Variants in ZFHX3 observed in about 807,000 individuals in gnomAD.
ZFHX3 encodes zinc finger homeobox 3, also known as zinc finger homeobox protein 3.
A neutral mutation model predicts 279.1 loss-of-function variants in ZFHX3; 42 were observed. The observed-to-expected ratio is 0.15, with a 90% confidence interval of 0.12 to 0.19. ZFHX3 has a LOEUF of 0.19. Among genes scored for constraint, ZFHX3 ranks in the 10% least tolerant of loss-of-function variants. The pLI is 1.00. For missense variants in ZFHX3, 4,981 were observed against 4,754.0 expected, an observed-to-expected ratio of 1.05 and a Z score of -1.40; for synonymous variants, 2,293 against 1,957.8, an observed-to-expected ratio of 1.17 and a Z score of -4.52.
Position 72,957,547 on chromosome 16 carries a change from C to A in ZFHX3, c.2599G>T (p.Ala867Ser), listed in dbSNP as rs772007732. The A allele has an allele frequency of 2.5e-5, 40 of 1,614,180 alleles. No individual in the cohort carries two copies. The South Asian group carries it at 4.3e-4, about 17-fold the overall frequency. ...AGGTTGGGCAGGTTCATGTTCTGGG[C>A]CAGGTAGTATTGGTAGAGCTCGGCC... is the stretch of plus-strand genomic sequence containing the variant. ...AEAELYQYYL[A>S]QNMNLPNLKM... The change falls in exon 2 of 10, where the codon GCC (alanine) becomes TCC (serine). Residue 867 changes from alanine (A) to serine (S), a missense_variant. Physicochemically the swap from Ala to Ser is moderately conservative, Grantham distance 99. Coordinates refer to ENST00000268489, the MANE Select transcript of ZFHX3 (RefSeq NM_006885.4).
chr16:72,899,617 T>G (rs1374259890), intron 3 of ZFHX3, among the ~76,000 whole-genome samples: 3 of 152,154 alleles, frequency 2.0e-5, no homozygotes, highest in Non-Finnish European at 4.4e-5. Flanking sequence ...ATAATGATGG[T>G]TTGTGGGGCA....
At chr16:73,013,393 T>C (rs1318528863) in intron 1 of ZFHX3, among the ~76,000 whole-genome samples, 1 of 152,098 alleles carries the variant, frequency 6.6e-6, no homozygotes, top group Admixed American at 6.6e-5. Flanking sequence ...GCTCAAGCGA[T>C]CCTCCCACCT....
chr16:73,636,981 G>T (rs1246111042), intron 2 of ZFHX3, among the ~76,000 whole-genome samples: 1 of 151,888 alleles, frequency 6.6e-6, no homozygotes, highest in East Asian at 1.9e-4. Context: ...GATATAATAA[G>T]GAAGGATTAT....
chr16:73,499,170 T>A (rs372720322), intron 2 of ZFHX3: 1 of 152,124 alleles, frequency 6.6e-6, no homozygotes, highest in Non-Finnish European at 1.5e-5. Flanking sequence ...CTGACAGGCA[T>A]CCTCTCAGTC....
At chr16:73,301,444 T>C (rs1293622552) in intron 4 of ZFHX3, among the ~76,000 whole-genome samples, 1 of 152,196 alleles carries the variant, frequency 6.6e-6, no homozygotes, top group African/African-American at 2.4e-5. Context: ...GGCTGTCTTG[T>C]GCATTGTAGG....
At chr16:73,086,107 T>C (rs1040712579) in intron 8 of ZFHX3, among the ~76,000 whole-genome samples, 2 of 151,962 alleles carry the variant, frequency 1.3e-5, no homozygotes, top group East Asian at 3.9e-4. Flanking sequence ...TAAAATGCCA[T>C]TTAAAAATGC....
chr16:72,968,252 C>T (rs1244707565), intron 1 of ZFHX3, among the ~76,000 whole-genome samples: 1 of 152,026 alleles, frequency 6.6e-6, no homozygotes, highest in Admixed American at 6.6e-5. Flanking sequence ...GCAGAATGTC[C>T]TATGCTTTTT....
chr16:73,084,820 A>G (rs1965991705), intron 8 of ZFHX3, among the ~76,000 whole-genome samples: 1 of 152,124 alleles, frequency 6.6e-6, no homozygotes, highest in Non-Finnish European at 1.5e-5. Context: ...GCGTCTGGCC[A>G]TACCTAGAAA....
chr16:73,265,866 C>G (rs866974252), intron 4 of ZFHX3, among the ~76,000 whole-genome samples: 1 of 152,122 alleles, frequency 6.6e-6, no homozygotes, highest in African/African-American at 2.4e-5. Flanking sequence ...CATAAAGGGT[C>G]CTGAAGGGAA....
chr16:73,127,668 C>A (rs1966594765), intron 7 of ZFHX3: 1 of 1,200,536 alleles, frequency 8.3e-7, no homozygotes, highest in Non-Finnish European at 1.1e-6. Flanking sequence ...TTAATTAGTT[C>A]ATTTAAAACC....
At chr16:73,721,359 T>G (rs1222314871) in intron 1 of ZFHX3, among the ~76,000 whole-genome samples, 4 of 152,152 alleles carry the variant, frequency 2.6e-5, no homozygotes, top group Non-Finnish European at 5.9e-5. Flanking sequence ...TGACCTCAGG[T>G]GATCTGCCCA....
At chr16:73,286,605 G>A (rs866389272) in intron 4 of ZFHX3, among the ~76,000 whole-genome samples, 6 of 151,230 alleles carry the variant, frequency 4.0e-5, no homozygotes, top group Non-Finnish European at 5.9e-5. Flanking sequence ...GGGTCTCTGC[G>A]TAGCTGTGTG....
intron 2 of ZFHX3, chr16:73,487,415 T>TG (rs1567498943): frequency 2.3e-6 from 1 of 433,146 alleles, no homozygotes; most frequent in Admixed American, 2.6e-5. Flanking sequence ...GTGATTTTTT[T>TG]TTTTTTTGGC....
At chr16:73,884,719 G>A (rs934768534) in intron 1 of ZFHX3, among the ~76,000 whole-genome samples, 1 of 152,106 alleles carries the variant, frequency 6.6e-6, no homozygotes, top group Admixed American at 6.5e-5. Flanking sequence ...CTATGCTTCA[G>A]AAACACTCTA....
chr16:73,249,425 C>G lies in ZFHX3; in HGVS notation c.-1104+7622G>C, dbSNP rs553379195. On this transcript the variant is annotated intron_variant, in intron 5 of 17. Transcript: ENST00000641206. ...GTTCCAAATGGCTGGGGAGGCCTTA[C>G]AATCACGGCAGAAGGTAAAAGGCAT... Among the ~76,000 whole-genome samples the G allele has an allele frequency of 2.6e-4, 39 of 152,230 alleles. 1 individual carries two copies. The South Asian group carries it at 8.1e-3, about 32-fold the overall frequency.
intron 7 of ZFHX3, among the ~76,000 whole-genome samples, chr16:73,097,002 GCATCT>G (rs1966172082): frequency 1.3e-5 from 2 of 151,876 alleles, no homozygotes; most frequent in Admixed American, 1.3e-4. Context: ...TTTTTTCTTT[GCATCT>G]CATCTCATCT....
intron 3 of ZFHX3, among the ~76,000 whole-genome samples, chr16:73,416,650 G>A (rs952415485): frequency 2.0e-5 from 3 of 152,128 alleles, no homozygotes; most frequent in African/African-American, 7.2e-5. Context: ...GAGGCGGGTG[G>A]ACCACGAGGT....
intron 4 of ZFHX3, among the ~76,000 whole-genome samples, chr16:73,273,507 T>A (rs1004676995): frequency 9.2e-5 from 14 of 152,196 alleles, no homozygotes; most frequent in African/African-American, 3.1e-4. Context: ...AAAACACATA[T>A]AATACAATAT....
At chr16:73,626,693 C>T (rs2052420275) in intron 2 of ZFHX3, among the ~76,000 whole-genome samples, 1 of 152,142 alleles carries the variant, frequency 6.6e-6, no homozygotes, top group African/African-American at 2.4e-5. Context: ...ACTCTTTCTA[C>T]CTTTAATGTC....
Sources: gnomAD v4.1 joint callset for allele counts (sites outside exome capture counted in the v4.1 genomes callset) on GRCh38, gnomAD v4.1.1 for gene constraint, MANE v1.5 for transcripts, NCBI Gene and HGNC (gene_info 2026-07-23, HGNC 2026-07-21) for gene names.